WWOX: variants seen among roughly 807,000 people sequenced by gnomAD.
The protein encoded by WWOX is WW domain containing oxidoreductase.
WWOX carries 69 observed loss-of-function variants against 46.2 expected under a neutral mutation model. That is an observed-to-expected ratio of 1.49 (90% CI 1.23 to 1.82). WWOX has a LOEUF of 1.82. Ranked by LOEUF, WWOX falls within the 40% of genes most tolerant of loss-of-function variation. WWOX has a pLI of 0.00. For synonymous variants in WWOX, 359 were observed against 202.6 expected (o/e 1.77, Z -6.56); for missense variants, 919 against 542.6 (o/e 1.69, Z -6.89).
chr16:78,187,463 C>T (rs971900257), intron 5 of WWOX, among the ~76,000 whole-genome samples: 39 of 152,240 alleles, frequency 2.6e-4, no homozygotes, highest in African/African-American at 7.2e-4. Context: ...ATTAGCTGGC[C>T]GTGGTGGTGT....
intron 8 of WWOX, chr16:78,551,537 A>G (rs1239525797): frequency 6.6e-6 from 1 of 152,206 alleles, no homozygotes; most frequent in Non-Finnish European, 1.5e-5. Flanking sequence ...GTTCAAAGGA[A>G]AGGAATAGCC....
At chr16:78,822,555 C>G (rs923478746) in intron 8 of WWOX, among the ~76,000 whole-genome samples, 7 of 152,024 alleles carry the variant, frequency 4.6e-5, no homozygotes, top group African/African-American at 1.7e-4. Flanking sequence ...ATTCCCATCC[C>G]CACCTAGAAT....
chr16:78,404,521 A>T (rs909475368), intron 6 of WWOX, among the ~76,000 whole-genome samples: 1 of 152,140 alleles, frequency 6.6e-6, no homozygotes, highest in Admixed American at 6.5e-5. Flanking sequence ...TTCTATTTGT[A>T]TGAATAATAG....
intron 8 of WWOX, among the ~76,000 whole-genome samples, chr16:78,778,751 A>C (rs9931387): frequency 5.3e-5 from 8 of 151,984 alleles, no homozygotes; most frequent in African/African-American, 1.9e-4. Flanking sequence ...GAAAAACTCA[A>C]ACCAAAGAGC....
At chr16:78,378,195 G>A (rs2081874418) in intron 5 of WWOX, among the ~76,000 whole-genome samples, 1 of 151,266 alleles carries the variant, frequency 6.6e-6, no homozygotes, top group Non-Finnish European at 1.5e-5. Context: ...GTTTTAAAAT[G>A]TGGAATCATC....
rs540253661 is a variant in WWOX at position 78,776,270 on chromosome 16, G to A, written c.1056+343518G>A. Reference sequence around the variant, plus strand: ...AGCACAGGCTACATTGGCTTGGCTCGGTGGTTGGGATGGTTTGGCTCTTAC... The same window carrying A: ...AGCACAGGCTACATTGGCTTGGCTCAGTGGTTGGGATGGTTTGGCTCTTAC... On this transcript the variant is annotated intron_variant, in intron 8 of 8. Coordinates refer to ENST00000566780, the MANE Select transcript of WWOX (RefSeq NM_016373.4). Among the ~76,000 whole-genome samples, 11 of 152,262 alleles carry A rather than the reference G, an allele frequency of 7.2e-5. No individual in the cohort carries two copies. The South Asian group carries it at 1.7e-3, about 23-fold the overall frequency.
intron 5 of WWOX, among the ~76,000 whole-genome samples, chr16:78,305,932 G>A (rs1327553349): frequency 6.6e-6 from 1 of 151,768 alleles, no homozygotes; most frequent in Admixed American, 6.6e-5. Flanking sequence ...GAGTGAAGTG[G>A]TCAGACCACC....
intron 8 of WWOX, among the ~76,000 whole-genome samples, chr16:78,818,431 AG>A (rs1410240278): frequency 1.3e-5 from 2 of 152,228 alleles, no homozygotes; most frequent in Admixed American, 6.5e-5. Flanking sequence ...CCCTAGGACA[AG>A]GCAGGCCCAG....
At chr16:78,101,346 C>CTGTTTTTTTTTTTTT in intron 1 of WWOX, among the ~76,000 whole-genome samples, 1 of 66,850 alleles carries the variant, frequency 1.5e-5, no homozygotes, top group East Asian at 5.5e-4. Flanking sequence ...CGCTCCCGGC[C>CTGTTTTTTTTTTTTT]TTTTTTTTTT....
intron 5 of WWOX, among the ~76,000 whole-genome samples, chr16:78,282,992 C>T (rs1192553158): frequency 2.0e-5 from 3 of 151,774 alleles, no homozygotes; most frequent in African/African-American, 7.3e-5. Context: ...AATTGTACAG[C>T]AGAGTTGGTC....
At chr16:78,711,075 A>G (rs1451831286) in intron 8 of WWOX, among the ~76,000 whole-genome samples, 1 of 152,170 alleles carries the variant, frequency 6.6e-6, no homozygotes, top group Non-Finnish European at 1.5e-5. Context: ...GGAGGGTGTA[A>G]GTTATAAAGA....
intron 8 of WWOX, among the ~76,000 whole-genome samples, chr16:79,161,406 A>G (rs539865526): frequency 1.1e-4 from 16 of 152,348 alleles, no homozygotes; most frequent in African/African-American, 3.4e-4. Context: ...AGCTTGACAC[A>G]TAAAATAAGC....
At chr16:78,114,854 A>G in intron 3 of WWOX, 122 bp from the exon 4 acceptor site, 9 of 1,247,562 alleles carry the variant, frequency 7.2e-6, no homozygotes, top group Non-Finnish European at 1.0e-5. Context: ...CAGTTCTTTC[A>G]GGTTTAAGGA....
intron 5 of WWOX, among the ~76,000 whole-genome samples, chr16:78,307,580 C>T (rs929424732): frequency 6.6e-6 from 1 of 152,206 alleles, no homozygotes; most frequent in African/African-American, 2.4e-5. Flanking sequence ...ACCAGCTGTG[C>T]TGACACCTTG....
At chr16:78,559,311 G>A (rs933768361) in intron 8 of WWOX, among the ~76,000 whole-genome samples, 1 of 152,214 alleles carries the variant, frequency 6.6e-6, no homozygotes, top group Admixed American at 6.5e-5. Flanking sequence ...GTGAGGGTCA[G>A]GACTGGTAGC....
At chr16:78,492,958 C>A (rs538855886) in intron 8 of WWOX, among the ~76,000 whole-genome samples, 7 of 152,114 alleles carry the variant, frequency 4.6e-5, no homozygotes, top group Non-Finnish European at 8.8e-5. Context: ...GCATACTACT[C>A]CAAGTAGTCA....
intron 5 of WWOX, among the ~76,000 whole-genome samples, chr16:78,384,059 A>C (rs2082010209): frequency 6.6e-6 from 1 of 152,190 alleles, no homozygotes; most frequent in Non-Finnish European, 1.5e-5. Flanking sequence ...ATTTTTGTTG[A>C]AATACTGCTT....
At chr16:79,091,029 C>G (rs1213483427) in intron 8 of WWOX, among the ~76,000 whole-genome samples, 1 of 152,066 alleles carries the variant, frequency 6.6e-6, no homozygotes, top group Non-Finnish European at 1.5e-5. Context: ...CTCAGGTGAT[C>G]CACCCACATC....
intron 8 of WWOX, among the ~76,000 whole-genome samples, chr16:78,925,835 G>C (rs898195013): frequency 1.3e-5 from 2 of 152,138 alleles, no homozygotes; most frequent in Admixed American, 1.3e-4. Flanking sequence ...TGAAGCCCTA[G>C]TTCTAGCCTA....
Sources: allele counts gnomAD v4.1 joint callset (sites outside exome capture counted in the v4.1 genomes callset), GRCh38; gene constraint gnomAD v4.1.1; transcripts MANE v1.5; gene names NCBI Gene and HGNC (gene_info 2026-07-23, HGNC 2026-07-21).